TLN2: variants seen among roughly 807,000 people sequenced by gnomAD.
TLN2 encodes the protein talin 2, also known as talin-2.
Under a neutral mutation model 294.7 loss-of-function variants are expected in TLN2, and 118 were observed. The observed-to-expected ratio is 0.40, with a 90% confidence interval of 0.34 to 0.47. The LOEUF (loss-of-function observed/expected upper bound fraction) is 0.47, where lower values mean the gene tolerates loss of function less well. TLN2 is among the 20% of genes least tolerant of loss of function. The pLI is 0.84. For missense variants in TLN2, 3,083 were observed against 3,282.2 expected (o/e 0.94, Z 1.48); for synonymous variants, 1,431 against 1,304.5 (o/e 1.10, Z -2.09).
At chr15:62,445,957 T>A (rs1206736269) in intron 1 of TLN2, among the ~76,000 whole-genome samples, 1 of 151,956 alleles carries the variant, frequency 6.6e-6, no homozygotes, top group Non-Finnish European at 1.5e-5. Flanking sequence ...TGGCCCTTTC[T>A]TGATATTCTT....
At chr15:62,777,543 A>AC (rs1475416827) in intron 43 of TLN2, among the ~76,000 whole-genome samples, 1 of 151,806 alleles carries the variant, frequency 6.6e-6, no homozygotes, top group Non-Finnish European at 1.5e-5. Context: ...AAAAAAAAAA[A>AC]AAGTGATTCC....
chr15:62,447,987 C>T lies in TLN2; in HGVS notation c.-238+57302C>T, dbSNP rs554154921. Among the ~76,000 whole-genome samples the T allele has an allele frequency of 2.0e-5, 3 of 152,334 alleles. No homozygotes were observed. The South Asian group carries it at 6.2e-4, about 32-fold the overall frequency. ...ATTCCTCACTGTGAGTGGGCCAGGA[C>T]TGAGCTTCCAAAGGCTGGCCAAGGG... On this transcript the variant is annotated intron_variant, in intron 1 of 58. Coordinates refer to ENST00000636159, the MANE Select transcript of TLN2 (RefSeq NM_015059.3).
intron 8 of TLN2, 140 bp downstream of exon 8, chr15:62,656,226 C>A: frequency 9.3e-7 from 1 of 1,080,354 alleles, no homozygotes; most frequent in Non-Finnish European, 1.3e-6. Flanking sequence ...TCGTGGGTCC[C>A]CGCATGTGTT....
At chr15:62,769,432 C>T (rs1004331342) in intron 41 of TLN2, among the ~76,000 whole-genome samples, 4 of 152,202 alleles carry the variant, frequency 2.6e-5, no homozygotes, top group East Asian at 3.9e-4. Context: ...GCCCTGGCGT[C>T]GCTCATGTCT....
intron 1 of TLN2, among the ~76,000 whole-genome samples, chr15:62,526,970 G>A (rs1347695760): frequency 1.3e-5 from 2 of 152,212 alleles, no homozygotes; most frequent in East Asian, 1.9e-4. Context: ...GTTAGAGTCT[G>A]TATGTATAGA....
rs148979013 is a variant in TLN2 at position 62,433,076 on chromosome 15, T to C, written c.-238+42391T>C. Among the ~76,000 whole-genome samples the C allele has an allele frequency of 7.0e-3, 1,070 of 152,238 alleles. 11 individuals carry two copies. The highest frequency in any genetic ancestry group is 0.027 in the Middle Eastern group (8 of 294). On this transcript the variant is annotated intron_variant, in intron 1 of 58. Coordinates refer to ENST00000636159, the MANE Select transcript of TLN2 (RefSeq NM_015059.3). ...AAATAGAGGGGCAGAGGGTGTGAGATGTGTACTCCTAGGGAGAGGAACTGG... is the reference window on the plus strand; with the variant it reads ...AAATAGAGGGGCAGAGGGTGTGAGACGTGTACTCCTAGGGAGAGGAACTGG...
chr15:62,758,180 G>T (rs982725474), intron 37 of TLN2, among the ~76,000 whole-genome samples: 1 of 152,146 alleles, frequency 6.6e-6, no homozygotes. Flanking sequence ...GAGCCACCAA[G>T]AGAAGCACGA....
intron 1 of TLN2, among the ~76,000 whole-genome samples, chr15:62,450,015 C>T (rs1162365761): frequency 6.6e-6 from 1 of 152,182 alleles, no homozygotes; most frequent in Admixed American, 6.5e-5. Context: ...CTCTCTTCCT[C>T]ACAAACCTTC....
intron 20 of TLN2, 70 bp from the exon 21 acceptor site, chr15:62,708,432 C>A: frequency 6.5e-7 from 1 of 1,530,808 alleles, no homozygotes; most frequent in Non-Finnish European, 8.9e-7. Context: ...TTTGATGGGA[C>A]TGCGGGGGCA....
At chr15:62,492,672 A>G (rs184393884) in intron 1 of TLN2, among the ~76,000 whole-genome samples, 4 of 151,998 alleles carry the variant, frequency 2.6e-5, no homozygotes, top group Admixed American at 2.6e-4. Context: ...TTTTCAACGC[A>G]TTTCCCCCCA....
At chr15:62,421,025 C>T (rs1418294528) in intron 1 of TLN2, among the ~76,000 whole-genome samples, 5 of 152,176 alleles carry the variant, frequency 3.3e-5, no homozygotes, top group East Asian at 3.8e-4. Flanking sequence ...CACACTTACA[C>T]GTAGACATAC....
At chr15:62,644,499 C>T (rs933157075) in intron 3 of TLN2, 2 of 456,074 alleles carry the variant, frequency 4.4e-6, no homozygotes, top group East Asian at 7.0e-5. Context: ...CCACTGAATA[C>T]CTCTCAAGGA....
At position 62,835,907 on chromosome 15, in the gene TLN2, C is replaced by T. The variant is rs1567714686; in HGVS notation, c.7208C>T (p.Ala2403Val). 1 of 1,614,196 alleles carries T rather than the reference C, an allele frequency of 6.2e-7. No homozygotes were observed. Among genetic ancestry groups the T allele is most frequent in the Non-Finnish European group, 8.5e-7 (1 of 1,180,034 alleles). Residue 2403 changes from alanine to valine, a missense_variant, in exon 57 of 59, where the codon GCT becomes GTT. By Grantham distance (64) the Ala-to-Val change is moderately conservative. Coordinates refer to ENST00000636159, the MANE Select transcript of TLN2 (RefSeq NM_015059.3). ...GLISAARMVA[A>V]ATSSLCEAAN... is the part of the protein sequence containing the mutation. ...TGTCCCCAGGCCCGGATGGTGGCGG[C>T]TGCGACCAGCAGTCTCTGTGAGGCG...
chr15:62,627,710 G>A (rs2049405443), intron 3 of TLN2, among the ~76,000 whole-genome samples: 1 of 152,124 alleles, frequency 6.6e-6, no homozygotes, highest in South Asian at 2.1e-4. Context: ...TGATTATTAT[G>A]CCGTTACATC....
chr15:62,400,384 T>G (rs955713714), intron 1 of TLN2, among the ~76,000 whole-genome samples: 1 of 152,214 alleles, frequency 6.6e-6, no homozygotes, highest in Non-Finnish European at 1.5e-5. Context: ...TCTGCCAATT[T>G]CCCCAAGCTG....
chr15:62,770,968 C>G lies in TLN2; in HGVS notation c.5201C>G (p.Thr1734Arg). 1 of 1,541,766 alleles carries G rather than the reference C, an allele frequency of 6.5e-7. No individual in the cohort carries two copies. The change falls in exon 42 of 59, where the codon ACA becomes AGA. Residue 1734 changes from threonine (T) to arginine (R), a missense_variant. Transcript: ENST00000636159. The part of the protein sequence containing the change: ...GEAAQLGHKV[T>R]QLASYFEPLI... ...TTTTTTTTTTTTTTTTGAAAGGTGA[C>G]ACAACTGGCAAGCTATTTTGAGCCC... is the stretch of plus-strand genomic sequence containing the variant.
chr15:62,403,421 T>C (rs2033165981), intron 1 of TLN2, among the ~76,000 whole-genome samples: 1 of 152,204 alleles, frequency 6.6e-6, no homozygotes, highest in Non-Finnish European at 1.5e-5. Flanking sequence ...ATTTTTGTTT[T>C]TTTGTTTTGC....
intron 35 of TLN2, 55 bp from the exon 36 acceptor site, chr15:62,753,718 C>T (rs369653743): frequency 6.5e-7 from 1 of 1,541,386 alleles, no homozygotes; most frequent in Non-Finnish European, 8.7e-7. Context: ...TCATCCCCAG[C>T]AGGCTCACCT....
At chr15:62,663,200 C>T (rs992162134) in intron 9 of TLN2, among the ~76,000 whole-genome samples, 27 of 151,528 alleles carry the variant, frequency 1.8e-4, no homozygotes, top group African/African-American at 6.1e-4. Context: ...TTACCATGTG[C>T]GATTTTTTTT....
Sources: gnomAD v4.1 joint callset for allele counts (sites outside exome capture counted in the v4.1 genomes callset) on GRCh38, gnomAD v4.1.1 for gene constraint, MANE v1.5 for transcripts, NCBI Gene and HGNC (gene_info 2026-07-23, HGNC 2026-07-21) for gene names.